Variants in SAMD5 observed in about 807,000 individuals in gnomAD.
SAMD5 encodes sterile alpha motif domain-containing protein 5.
In SAMD5, 13 loss-of-function variants were observed where a neutral mutation model predicts 11.3. The ratio of observed to expected loss-of-function variants is 1.15; its 90% CI spans 0.75 to 1.83. The LOEUF is 1.83. Among genes scored for constraint, SAMD5 ranks in the 40% most tolerant of loss-of-function variants. SAMD5 has a pLI of 0.00. For synonymous variants in SAMD5, 129 were observed against 111.3 expected, an observed-to-expected ratio of 1.16 and a Z score of -1.00; for missense variants, 255 against 239.1, an observed-to-expected ratio of 1.07 and a Z score of -0.44.
chr6:147,931,054 C>A, the SAMD5 span, among the ~76,000 whole-genome samples: 1 of 152,152 alleles, frequency 6.6e-6, no homozygotes, highest in African/African-American at 2.4e-5. Context: ...CAGGAGTTAC[C>A]AGTTTTCTTA....
At chr6:147,827,651 A>G in the SAMD5 span, among the ~76,000 whole-genome samples, 121 of 152,344 alleles carry the variant, frequency 7.9e-4, 3 homozygotes, top group South Asian at 0.011. Flanking sequence ...TCTCTGGAAC[A>G]GCTACTTCTA....
chr6:147,636,147 A>G (rs1790227554), intron 1 of SAMD5, among the ~76,000 whole-genome samples: 1 of 152,184 alleles, frequency 6.6e-6, no homozygotes, highest in South Asian at 2.1e-4. Flanking sequence ...ATGTGTCTAT[A>G]CATTATTAGA....
At chr6:147,599,381 A>G (rs534848838) in intron 1 of SAMD5, among the ~76,000 whole-genome samples, 1 of 152,356 alleles carries the variant, frequency 6.6e-6, no homozygotes, top group South Asian at 2.1e-4. Context: ...TTGCAGTGAG[A>G]TAAGGTTTCT....
At position 147,699,360 on chromosome 6, in the gene SAMD5, C is replaced by T. The variant is rs550262952; in HGVS notation, c.163-37957C>T. Among the ~76,000 whole-genome samples, 12 of 152,084 alleles carry T rather than the reference C, an allele frequency of 7.9e-5. No homozygotes were observed. In the East Asian group the frequency reaches 2.3e-3, roughly 29 times the overall value. ...TTCTTGCAGAAATGATGCTTTCTAT[C>T]TAAAAAGAACCCTGAGGTTTCCCTT... On this transcript the variant is annotated intron_variant, in intron 1 of 1. Transcript: ENST00000566741.
the SAMD5 span, among the ~76,000 whole-genome samples, chr6:147,833,703 A>T: frequency 6.6e-6 from 1 of 152,158 alleles, no homozygotes; most frequent in Non-Finnish European, 1.5e-5. Flanking sequence ...TTTTAACATA[A>T]TTTTTTCAAT....
At chr6:147,897,509 G>A in the SAMD5 span, among the ~76,000 whole-genome samples, 1 of 152,112 alleles carries the variant, frequency 6.6e-6, no homozygotes, top group Non-Finnish European at 1.5e-5. Context: ...ATCATGGTGT[G>A]GTGGAAAGAG....
the SAMD5 span, among the ~76,000 whole-genome samples, chr6:147,745,833 T>C: frequency 3.3e-5 from 5 of 151,100 alleles, no homozygotes; most frequent in African/African-American, 1.2e-4. Flanking sequence ...GGCTGGACTA[T>C]GGTGATGGGA....
rs200871958 is a variant in SAMD5 at position 147,509,144 on chromosome 6, C to G, written c.216C>G (p.Leu72=). The G allele has an allele frequency of 9.4e-4, 1,416 of 1,509,708 alleles. 8 individuals carry two copies. In the African/African-American group the frequency reaches 0.018, roughly 19 times the overall value. 93.5% of individuals were successfully genotyped at this position (1,509,708 alleles called of 1,614,324 possible). A position where few individuals can be genotyped will look rare whatever the true frequency, so the allele number is the denominator to read the frequency against. Residue 72 remains leucine (L), a synonymous_variant, in exon 1 of 2, where the codon CTC becomes CTG. Coordinates refer to ENST00000367474, the MANE Select transcript of SAMD5 (RefSeq NM_001030060.3). ...AGCAGGACGCCAACGCCGCCGGCCT[C>G]TACTTCACGCTTGAGCCGCAGCCGG... is the stretch of plus-strand genomic sequence containing the variant. ...LREQDANAAG[L]YFTLEPQPAP... is the part of the protein sequence containing the mutation.
At chr6:147,709,133 A>G (rs755666228) in intron 1 of SAMD5, among the ~76,000 whole-genome samples, 7 of 152,212 alleles carry the variant, frequency 4.6e-5, no homozygotes, top group Non-Finnish European at 8.8e-5. Flanking sequence ...TTTGCAAGCT[A>G]TTCTTCAAGA....
chr6:147,614,581 A>C (rs1405075542), intron 1 of SAMD5, among the ~76,000 whole-genome samples: 1 of 151,890 alleles, frequency 6.6e-6, no homozygotes, highest in Non-Finnish European at 1.5e-5. Context: ...CAAAAGAGAA[A>C]CTCATATGAT....
intron 1 of SAMD5, among the ~76,000 whole-genome samples, chr6:147,517,278 A>G (rs1341291680): frequency 1.3e-5 from 2 of 152,204 alleles, no homozygotes; most frequent in Admixed American, 6.5e-5. Flanking sequence ...CTGGCCTTCC[A>G]GTTGAAAGTA....
the SAMD5 span, among the ~76,000 whole-genome samples, chr6:147,949,135 T>C: frequency 6.6e-6 from 1 of 152,190 alleles, no homozygotes; most frequent in Admixed American, 6.5e-5. Flanking sequence ...GAGAACCACA[T>C]TTTAAATTGA....
chr6:147,704,362 T>C (rs1791296993), intron 1 of SAMD5, among the ~76,000 whole-genome samples: 1 of 152,268 alleles, frequency 6.6e-6, no homozygotes, highest in East Asian at 1.9e-4. Context: ...ACCCTTCTCA[T>C]TGTATTAGGC....
chr6:147,750,161 A>G, the SAMD5 span, among the ~76,000 whole-genome samples: 1 of 152,336 alleles, frequency 6.6e-6, no homozygotes, highest in South Asian at 2.1e-4. Flanking sequence ...TAGAATTTAC[A>G]TTTGAACATA....
intron 1 of SAMD5, among the ~76,000 whole-genome samples, chr6:147,625,135 T>A (rs1790032209): frequency 6.6e-6 from 1 of 152,158 alleles, no homozygotes; most frequent in Non-Finnish European, 1.5e-5. Context: ...CTGGAGGGTT[T>A]ACATGAATCC....
the SAMD5 span, among the ~76,000 whole-genome samples, chr6:147,830,989 C>A: frequency 1.1e-4 from 17 of 152,162 alleles, no homozygotes; most frequent in African/African-American, 4.1e-4. Flanking sequence ...TACGAAGTTA[C>A]GTACATCTCA....
intron 1 of SAMD5, among the ~76,000 whole-genome samples, chr6:147,637,485 G>A (rs900763951): frequency 6.6e-6 from 1 of 152,144 alleles, no homozygotes; most frequent in African/African-American, 2.4e-5. Flanking sequence ...CTTCTCTAAT[G>A]TGCTTATTTG....
chr6:147,600,807 A>T (rs1249878039), intron 1 of SAMD5, among the ~76,000 whole-genome samples: 1 of 152,216 alleles, frequency 6.6e-6, no homozygotes, highest in African/African-American at 2.4e-5. Flanking sequence ...AGAACAAATT[A>T]TGGATTCTTG....
chr6:147,913,535 A>G, the SAMD5 span, among the ~76,000 whole-genome samples: 2 of 152,226 alleles, frequency 1.3e-5, no homozygotes, highest in African/African-American at 4.8e-5. Context: ...GTCTCTACTA[A>G]AAGTATGAAA....
Sources: gnomAD v4.1 joint callset for allele counts (sites outside exome capture counted in the v4.1 genomes callset) on GRCh38, gnomAD v4.1.1 for gene constraint, MANE v1.5 for transcripts, NCBI Gene and HGNC (gene_info 2026-07-23, HGNC 2026-07-21) for gene names.